The following USP7 variants were observed in gnomAD, a reference collection of about 807,000 sequenced individuals.
USP7 encodes ubiquitin specific peptidase 7, also known as ubiquitin C-terminal hydrolase 7.
Under a neutral mutation model 162.9 loss-of-function variants are expected in USP7, and 9 were observed. The observed-to-expected ratio is 0.06, with a 90% CI of 0.03 to 0.10. The LOEUF (loss-of-function observed/expected upper bound fraction) is 0.10, where lower values mean the gene tolerates loss of function less well. Ranked by LOEUF, USP7 falls within the 10% of genes least tolerant of loss-of-function variation. The probability of loss-of-function intolerance (pLI) is 1.00; values close to 1 mark genes in which losing one functional copy is unlikely to be tolerated. For missense variants in USP7, 715 were observed against 1,373.7 expected (o/e 0.52, Z 7.58); for synonymous variants, 562 against 475.9 (o/e 1.18, Z -2.35).
Position 8,897,028 on chromosome 16 carries a change from C to G in USP7, c.2790G>C (p.Glu930Asp). Residue 930 changes from glutamate (E) to aspartate (D), a missense_variant, in exon 26 of 31, where the codon GAG becomes GAC. Transcript: ENST00000344836. Reference protein sequence around the residue: ...DLLEECKKAVELGEKASGKLR... With the variant: ...DLLEECKKAVDLGEKASGKLR... The stretch of plus-strand genomic sequence containing the variant: ...GTTTCCCTGATGCTTTCTCCCCAAG[C>G]TCCACGGCCTTTTTACATTCTTCTA... The G allele has an allele frequency of 6.2e-7, 1 of 1,614,172 alleles. No homozygotes were observed. The highest frequency in any genetic ancestry group is 8.5e-7 in the Non-Finnish European group (1 of 1,179,986).
chr16:8,951,313 G>A (rs970145738), intron 1 of USP7, among the ~76,000 whole-genome samples: 1 of 1,280 alleles, frequency 7.8e-4, no homozygotes, highest in African/African-American at 1.0e-3. Flanking sequence ...GCTCAGATAA[G>A]GAATCCTGAG....
chr16:8,895,259 G>A (rs933823053), intron 27 of USP7, 109 bp from the exon 28 acceptor site: 1 of 1,543,484 alleles, frequency 6.5e-7, no homozygotes, highest in Non-Finnish European at 8.8e-7. Context: ...GCCTATTTTT[G>A]CTAAAAAAAC....
At position 8,893,263 on chromosome 16, in the gene USP7, T is replaced by G. The variant is rs2061628325; in HGVS notation, c.*735A>C. On this transcript the variant is annotated 3_prime_UTR_variant, in exon 31 of 31. Coordinates refer to ENST00000344836, the MANE Select transcript of USP7 (RefSeq NM_003470.3). ...AATCCTTTCACCTGCTCGTATGAACTGTTGAGATCGTAAGTCTGCCAAGGC... is the reference window on the plus strand; with the variant it reads ...AATCCTTTCACCTGCTCGTATGAACGGTTGAGATCGTAAGTCTGCCAAGGC... 6.6e-6 allele frequency: 1 copy of G among 152,244 alleles called. No individual in the cohort carries two copies. The highest frequency in any genetic ancestry group is 1.5e-5 in the Non-Finnish European group (1 of 68,036). The allele number at this position is 152,244 out of a possible 1,614,324, so 9.4% of individuals were successfully genotyped here.
At chr16:8,932,591 A>G (rs952420196) in intron 1 of USP7, among the ~76,000 whole-genome samples, 1 of 146,786 alleles carries the variant, frequency 6.8e-6, no homozygotes, top group Non-Finnish European at 1.5e-5. Flanking sequence ...CAAATGCTCC[A>G]AATCAAATAT....
Position 8,908,367 on chromosome 16 carries a change from C to G in USP7, c.1245G>C (p.Thr415=), listed in dbSNP as rs1261888430. 2 of 1,613,836 alleles carry G rather than the reference C, an allele frequency of 1.2e-6. No individual in the cohort carries two copies. The highest frequency in any genetic ancestry group is 2.2e-5 in the South Asian group (2 of 91,048). Residue 415 remains threonine (T), a synonymous_variant, in exon 12 of 31, where the codon ACG becomes ACC. Coordinates refer to ENST00000344836, the MANE Select transcript of USP7 (RefSeq NM_003470.3). ...QLMRFMYDPQ[T]DQNIKINDRF... is the part of the protein sequence containing the mutation. ...TATCATTGATCTTGATATTTTGGTC[C>G]GTCTGAGGGTCATACATAAATCTCA... is the stretch of plus-strand genomic sequence containing the variant.
chr16:8,904,309 G>A lies in USP7; in HGVS notation c.1704+126C>T. ...GGGGACTGACCTGCACTTGCGTACA[G>A]AGATGGATGCCCTGCTGCATGGTGA... On this transcript the variant is annotated intron_variant, in intron 15 of 30. Transcript: ENST00000344836. The A allele has an allele frequency of 2.0e-6, 3 of 1,507,844 alleles. No homozygotes were observed. In the South Asian group the frequency reaches 3.8e-5, roughly 19 times the overall value. The allele number at this position is 1,507,844 out of a possible 1,614,324, so 93.4% of individuals were successfully genotyped here.
At chr16:8,925,194 G>C (rs1429550761) in intron 2 of USP7, among the ~76,000 whole-genome samples, 1 of 152,154 alleles carries the variant, frequency 6.6e-6, no homozygotes, top group African/African-American at 2.4e-5. Context: ...AGTGACAATA[G>C]AGGATTTTAA....
chr16:8,896,271 T>C (rs910744514), intron 26 of USP7, among the ~76,000 whole-genome samples: 2 of 151,998 alleles, frequency 1.3e-5, no homozygotes, highest in Admixed American at 6.5e-5. Context: ...ATGGCCACAT[T>C]TGGGCACAGA....
intron 1 of USP7, among the ~76,000 whole-genome samples, chr16:8,952,603 C>A (rs1899605872): frequency 6.6e-6 from 1 of 152,060 alleles, no homozygotes; most frequent in African/African-American, 2.4e-5. Context: ...ACACTAGGCC[C>A]ACCTGGGGCA....
intron 27 of USP7, 32 bp from the exon 28 acceptor site, chr16:8,895,182 A>C (rs1394896718): frequency 6.2e-7 from 1 of 1,614,038 alleles, no homozygotes; most frequent in Non-Finnish European, 8.5e-7. Flanking sequence ...ACAGTTCTGT[A>C]AGTGCAAGTG....
At chr16:8,940,091 C>T (rs1219381959) in intron 1 of USP7, among the ~76,000 whole-genome samples, 4 of 151,832 alleles carry the variant, frequency 2.6e-5, no homozygotes, top group African/African-American at 9.7e-5. Context: ...CAGCAAGACT[C>T]TGTCTCCAAA....
At position 8,897,589 on chromosome 16, in the gene USP7, G is replaced by T. The variant is rs1359146073; in HGVS notation, c.2719-490C>A. The stretch of plus-strand genomic sequence containing the variant: ...AAATAGGCATGCAGACTTTTTTGAA[G>T]AACCACCTAATGCCTGTAATGCCAA... On this transcript the variant is annotated intron_variant, in intron 25 of 30. Coordinates refer to ENST00000344836, the MANE Select transcript of USP7 (RefSeq NM_003470.3). 4.8e-5 allele frequency among the ~76,000 whole-genome samples: 7 copies of T among 146,996 alleles called. No individual in the cohort carries two copies. In the South Asian group the frequency reaches 6.6e-4, roughly 14 times the overall value.
chr16:8,957,279 A>C (rs758682269), intron 1 of USP7, among the ~76,000 whole-genome samples: 1 of 152,180 alleles, frequency 6.6e-6, no homozygotes, highest in Non-Finnish European at 1.5e-5. Context: ...CAACTTTCTT[A>C]AGTCCAAATT....
intron 6 of USP7, 79 bp downstream of exon 6, chr16:8,918,952 G>A (rs560969975): frequency 9.1e-6 from 13 of 1,427,348 alleles, no homozygotes; most frequent in African/African-American, 7.0e-5. Context: ...CGCCATGTTT[G>A]TTGAGAGGAC....
chr16:8,896,268 C>T (rs987613267), intron 26 of USP7, among the ~76,000 whole-genome samples: 3 of 151,588 alleles, frequency 2.0e-5, no homozygotes, highest in African/African-American at 7.3e-5. Flanking sequence ...GAAATGGCCA[C>T]ATTTGGGCAC....
At chr16:8,916,891 G>A (rs1321969756) in intron 7 of USP7, 135 bp downstream of exon 7, 12 of 1,023,298 alleles carry the variant, frequency 1.2e-5, no homozygotes, top group East Asian at 5.6e-5. Flanking sequence ...GCACTGACAC[G>A]ATTAAATGCT....
At chr16:8,952,141 T>C (rs1176418683) in intron 1 of USP7, among the ~76,000 whole-genome samples, 3 of 152,030 alleles carry the variant, frequency 2.0e-5, no homozygotes, top group African/African-American at 7.2e-5. Context: ...TCCCAGTCAC[T>C]AGGGAGGCTG....
chr16:8,893,958 C>G lies in USP7; in HGVS notation c.*40G>C, dbSNP rs886833676. 6.3e-7 allele frequency: 1 copy of G among 1,594,168 alleles called. No homozygotes were observed. Among genetic ancestry groups the G allele is most frequent in the African/African-American group, 1.3e-5 (1 of 74,508 alleles). On this transcript the variant is annotated 3_prime_UTR_variant, in exon 31 of 31. Transcript: ENST00000344836. ...AAAGTTCTAGGCTGTTAAGGGGCCA[C>G]CCACACACCGTCCTCGCCTTGAACA...
Position 8,894,195 on chromosome 16 carries a change from G to A in USP7, c.3203-91C>T, listed in dbSNP as rs2061646304. On this transcript the variant is annotated intron_variant, in intron 30 of 30. Coordinates refer to ENST00000344836, the MANE Select transcript of USP7 (RefSeq NM_003470.3). The stretch of plus-strand genomic sequence containing the variant: ...GGCCAGTGAGGCATGCATCCCTGTG[G>A]CTCCCCAAGGGGTAAGTTCGCAGGG... 7.4e-6 allele frequency: 9 copies of A among 1,213,152 alleles called. No homozygotes were observed. In the South Asian group the frequency reaches 1.1e-4, roughly 15 times the overall value. 75.1% of individuals were successfully genotyped at this position (1,213,152 alleles called of 1,614,324 possible). A position where few individuals can be genotyped will look rare whatever the true frequency, so the allele number is the denominator to read the frequency against.
Sources: gnomAD v4.1 joint callset for allele counts (sites outside exome capture counted in the v4.1 genomes callset) on GRCh38, gnomAD v4.1.1 for gene constraint, MANE v1.5 for transcripts, NCBI Gene and HGNC (gene_info 2026-07-23, HGNC 2026-07-21) for gene names.